The following DLG2 variants were observed in gnomAD, a reference collection of about 807,000 sequenced individuals.
DLG2 encodes the protein disks large homolog 2.
In DLG2, 45 loss-of-function variants were observed where a neutral mutation model predicts 132.5. That is an observed-to-expected ratio of 0.34 (90% CI 0.27 to 0.44). The LOEUF (loss-of-function observed/expected upper bound fraction) is 0.44, where lower values mean the gene tolerates loss of function less well. Among genes scored for constraint, DLG2 ranks in the 20% least tolerant of loss-of-function variants. The pLI, the probability that DLG2 is intolerant of heterozygous loss-of-function variation, is 1.00. For synonymous variants in DLG2, 424 were observed against 419.6 expected, an observed-to-expected ratio of 1.01 and a Z score of -0.13; for missense variants, 1,045 against 1,196.9, an observed-to-expected ratio of 0.87 and a Z score of 1.87.
intron 3 of DLG2, among the ~76,000 whole-genome samples, chr11:85,398,788 C>A (rs1175978280): frequency 1.3e-5 from 2 of 152,056 alleles, no homozygotes; most frequent in African/African-American, 4.8e-5. Context: ...TAATTAATAG[C>A]CTACTCACCA....
intron 5 of DLG2, among the ~76,000 whole-genome samples, chr11:85,130,412 A>C (rs528238986): frequency 6.6e-6 from 1 of 152,280 alleles, no homozygotes; most frequent in African/African-American, 2.4e-5. Flanking sequence ...GAGGTCTAGG[A>C]GGAGCCAAGG....
intron 17 of DLG2, among the ~76,000 whole-genome samples, chr11:83,823,772 A>G (rs1039541534): frequency 1.3e-5 from 2 of 152,194 alleles, no homozygotes; most frequent in Non-Finnish European, 2.9e-5. Flanking sequence ...GGAAGCTTCA[A>G]AGGATCTGAA....
chr11:84,883,373 C>A (rs375836067), intron 6 of DLG2, among the ~76,000 whole-genome samples: 34 of 151,958 alleles, frequency 2.2e-4, no homozygotes, highest in African/African-American at 8.2e-4. Context: ...GGGCTTAAAA[C>A]CTAGATGACG....
chr11:85,340,950 A>G (rs1361322556), intron 3 of DLG2, among the ~76,000 whole-genome samples: 1 of 152,184 alleles, frequency 6.6e-6, no homozygotes, highest in African/African-American at 2.4e-5. Flanking sequence ...GATGTGAGAT[A>G]TGGATCTAAT....
At chr11:84,353,801 T>C (rs1045086449) in intron 7 of DLG2, among the ~76,000 whole-genome samples, 4 of 152,164 alleles carry the variant, frequency 2.6e-5, no homozygotes, top group African/African-American at 9.7e-5. Context: ...GATTCCTCTG[T>C]TTGTAACAGC....
At chr11:84,883,928 G>C (rs2087789482) in intron 6 of DLG2, among the ~76,000 whole-genome samples, 1 of 151,114 alleles carries the variant, frequency 6.6e-6, no homozygotes. Context: ...AAATTGTAAA[G>C]TGAACAGAAA....
At chr11:83,807,590 G>T (rs2046234558) in intron 17 of DLG2, among the ~76,000 whole-genome samples, 1 of 152,154 alleles carries the variant, frequency 6.6e-6, no homozygotes, top group Non-Finnish European at 1.5e-5. Context: ...GAGGGGAAAA[G>T]CGAATCAGGA....
rs1359009583 is a variant in DLG2, at chr11:84,981,403, G to A, written c.357+130258C>T. Among the ~76,000 whole-genome samples, 3 of 152,244 alleles carry A rather than the reference G, an allele frequency of 2.0e-5. No homozygotes were observed. The East Asian group carries it at 5.8e-4, about 30-fold the overall frequency. ...ATCCAAATAATACTGAGGGGCTATA[G>A]GAAGCAGTGTTGAGTAACTCTAAGC... On this transcript the variant is annotated intron_variant, in intron 6 of 27. Coordinates refer to ENST00000376104, the MANE Select transcript of DLG2 (RefSeq NM_001142699.3).
chr11:84,747,011 T>G (rs936609936), intron 6 of DLG2, among the ~76,000 whole-genome samples: 1 of 152,178 alleles, frequency 6.6e-6, no homozygotes, highest in South Asian at 2.1e-4. Flanking sequence ...ATGAATCACA[T>G]GGCCAGTCCA....
At chr11:84,568,556 G>T (rs761088491) in intron 6 of DLG2, among the ~76,000 whole-genome samples, 21 of 152,096 alleles carry the variant, frequency 1.4e-4, no homozygotes, top group Non-Finnish European at 2.2e-4. Flanking sequence ...AAGCTGAGCT[G>T]GTCACCTTCA....
At chr11:85,221,041 ACTTT>A (rs2074603597) in intron 4 of DLG2, among the ~76,000 whole-genome samples, 1 of 149,676 alleles carries the variant, frequency 6.7e-6, no homozygotes, top group Non-Finnish European at 1.5e-5. Flanking sequence ...AAAAAGTCAA[ACTTT>A]CTTTTTTTTT....
intron 18 of DLG2, among the ~76,000 whole-genome samples, chr11:83,729,648 G>A (rs1040478213): frequency 2.0e-5 from 3 of 152,196 alleles, no homozygotes; most frequent in African/African-American, 7.2e-5. Flanking sequence ...CAGGATCATA[G>A]TTCGCAGGGC....
chr11:85,243,595 G>A (rs2075997060), intron 4 of DLG2, among the ~76,000 whole-genome samples: 1 of 151,882 alleles, frequency 6.6e-6, no homozygotes, highest in East Asian at 1.9e-4. Context: ...TGTCTAAAGG[G>A]TTCAAAGCAG....
chr11:85,007,303 G>A (rs1470118294), intron 6 of DLG2, among the ~76,000 whole-genome samples: 1 of 152,164 alleles, frequency 6.6e-6, no homozygotes, highest in Non-Finnish European at 1.5e-5. Context: ...AGATAAAAGA[G>A]AAAAGTATGA....
intron 6 of DLG2, among the ~76,000 whole-genome samples, chr11:84,937,309 G>A (rs534526031): frequency 6.7e-6 from 1 of 149,332 alleles, no homozygotes; most frequent in Non-Finnish European, 1.5e-5. Flanking sequence ...CATTAGTTAG[G>A]TTTTATCATA....
At chr11:83,799,776 T>C (rs2043850048) in intron 17 of DLG2, among the ~76,000 whole-genome samples, 1 of 152,204 alleles carries the variant, frequency 6.6e-6, no homozygotes, top group African/African-American at 2.4e-5. Flanking sequence ...TTGACTTTGC[T>C]ATGTCTGTTG....
chr11:83,696,954 T>C (rs1257661635), intron 18 of DLG2, among the ~76,000 whole-genome samples: 1 of 152,236 alleles, frequency 6.6e-6, no homozygotes, highest in Non-Finnish European at 1.5e-5. Context: ...TCCCTTTCTG[T>C]GGTTCAATGC....
intron 9 of DLG2, among the ~76,000 whole-genome samples, chr11:84,130,217 T>A (rs1029985388): frequency 1.3e-5 from 2 of 151,910 alleles, no homozygotes; most frequent in Non-Finnish European, 2.9e-5. Context: ...TTCCAAAAAT[T>A]AATAAAATGT....
intron 7 of DLG2, among the ~76,000 whole-genome samples, chr11:84,267,799 T>C (rs1285441558): frequency 1.3e-5 from 2 of 152,222 alleles, no homozygotes; most frequent in Admixed American, 6.5e-5. Flanking sequence ...CGTTCTCTGC[T>C]TCTCCATGGA....
Sources: allele counts gnomAD v4.1 joint callset (sites outside exome capture counted in the v4.1 genomes callset), GRCh38; gene constraint gnomAD v4.1.1; transcripts MANE v1.5; gene names NCBI Gene and HGNC (gene_info 2026-07-23, HGNC 2026-07-21).